Variants in VPS13A observed in about 807,000 individuals in gnomAD.
VPS13A encodes intermembrane lipid transfer protein VPS13A.
In VPS13A, 264 loss-of-function variants were observed where a neutral mutation model predicts 390.9. That is an observed-to-expected ratio of 0.68 (90% CI 0.61 to 0.75). The LOEUF (loss-of-function observed/expected upper bound fraction) is 0.75. VPS13A is among the 30% of genes least tolerant of loss of function. VPS13A has a pLI of 0.00. For synonymous variants in VPS13A, 1,231 were observed against 1,227.1 expected (o/e 1.00, Z -0.07); for missense variants, 3,409 against 3,733.9 (o/e 0.91, Z 2.27).
chr9:77,382,332 A>G, intron 68 of VPS13A: 1 of 1,541,388 alleles, frequency 6.5e-7, no homozygotes, highest in African/African-American at 1.4e-5. Context: ...AGTGAAAGCC[A>G]ACAGTAGATT....
In VPS13A at chr9:77,225,915, A is replaced by T. The variant is rs1280432466; in HGVS notation, c.1162-11A>T. The T allele has an allele frequency of 6.2e-7, 1 of 1,603,838 alleles. No individual in the cohort carries two copies. The highest frequency in any genetic ancestry group is 8.5e-7 in the Non-Finnish European group (1 of 1,171,926). ...TTGTAAAGTTAACACATTTTTGTTT[A>T]TATTTTTCAGGAGTTGGAAAAAACC... On this transcript the variant is annotated splice_polypyrimidine_tract_variant and intron_variant, in intron 13 of 71. Transcript: ENST00000360280.
chr9:77,248,622 C>T (rs1413173812), intron 20 of VPS13A, among the ~76,000 whole-genome samples: 1 of 152,058 alleles, frequency 6.6e-6, no homozygotes, highest in Non-Finnish European at 1.5e-5. Flanking sequence ...ACCCACTTCC[C>T]AGCCACATGG....
chr9:77,209,148 A>C (rs1174265733), intron 5 of VPS13A, among the ~76,000 whole-genome samples: 2 of 152,142 alleles, frequency 1.3e-5, no homozygotes, highest in Non-Finnish European at 2.9e-5. Context: ...TCATTTTTAA[A>C]TATATTTTTG....
chr9:77,409,658 G>A (rs1486697258), intron 71 of VPS13A, among the ~76,000 whole-genome samples: 1 of 151,328 alleles, frequency 6.6e-6, no homozygotes, highest in African/African-American at 2.4e-5. Context: ...GAATGCACAA[G>A]CCTCAGTAAC....
At chr9:77,271,531 A>G (rs941708331) in intron 23 of VPS13A, among the ~76,000 whole-genome samples, 1 of 152,220 alleles carries the variant, frequency 6.6e-6, no homozygotes, top group Non-Finnish European at 1.5e-5. Flanking sequence ...AGGGTTATTC[A>G]TAATAGTAAA....
intron 1 of VPS13A, among the ~76,000 whole-genome samples, chr9:77,195,505 G>A (rs1824941337): frequency 6.6e-6 from 1 of 152,166 alleles, no homozygotes; most frequent in Non-Finnish European, 1.5e-5. Flanking sequence ...GGGAGGCTGA[G>A]GCGGGTGGAT....
At chr9:77,280,560 T>C (rs1405376646) in intron 27 of VPS13A, among the ~76,000 whole-genome samples, 2 of 152,148 alleles carry the variant, frequency 1.3e-5, no homozygotes, top group African/African-American at 2.4e-5. Flanking sequence ...TGATACAAGA[T>C]GATGCTTTCA....
intron 33 of VPS13A, among the ~76,000 whole-genome samples, chr9:77,302,428 A>G (rs1587531830): frequency 7.9e-6 from 1 of 126,300 alleles, no homozygotes; most frequent in East Asian, 2.3e-4. Context: ...GCTGGAGTGC[A>G]GTGGTGCGAT....
At chr9:77,250,050 A>C (rs1482676097) in intron 20 of VPS13A, 47 bp from the exon 21 acceptor site, 11 of 1,602,066 alleles carry the variant, frequency 6.9e-6, no homozygotes, top group Non-Finnish European at 2.6e-6. Flanking sequence ...TTATACTTAC[A>C]TTTTGAAGTA....
chr9:77,371,738 T>C (rs111866336), intron 67 of VPS13A, among the ~76,000 whole-genome samples: 1,650 of 150,626 alleles, frequency 0.011, 17 homozygotes, highest in Non-Finnish European at 0.017. Context: ...ACATGTGCCA[T>C]GCTGGTGCGC....
chr9:77,186,195 A>G (rs906384724), intron 1 of VPS13A, among the ~76,000 whole-genome samples: 6 of 152,206 alleles, frequency 3.9e-5, no homozygotes, highest in African/African-American at 1.4e-4. Context: ...CTATCTTACA[A>G]TACAGTATAC....
intron 71 of VPS13A, among the ~76,000 whole-genome samples, chr9:77,410,660 C>A (rs1469615275): frequency 6.6e-6 from 1 of 152,088 alleles, no homozygotes; most frequent in Non-Finnish European, 1.5e-5. Context: ...TCTGATAAAA[C>A]AGACTTTAAA....
chr9:77,339,403 A>G, intron 47 of VPS13A, 113 bp from the exon 48 acceptor site: 1 of 986,362 alleles, frequency 1.0e-6, no homozygotes, highest in East Asian at 2.6e-5. Context: ...ACTTGTTCTG[A>G]TAGGTATTTC....
intron 45 of VPS13A, among the ~76,000 whole-genome samples, chr9:77,323,810 TTTCA>T (rs1829869775): frequency 6.6e-6 from 1 of 152,208 alleles, no homozygotes; most frequent in African/African-American, 2.4e-5. Flanking sequence ...GGAGTTTGAC[TTTCA>T]TTCAGAAAAA....
intron 68 of VPS13A, among the ~76,000 whole-genome samples, chr9:77,386,533 T>C (rs1159722244): frequency 6.6e-6 from 1 of 152,122 alleles, no homozygotes; most frequent in African/African-American, 2.4e-5. Context: ...AGCAGTGATT[T>C]ACCATTTTCA....
rs926599511 is a variant in VPS13A, at chr9:77,269,661, C to T, written c.2428-3619C>T. Among the ~76,000 whole-genome samples, 3 of 152,250 alleles carry T rather than the reference C, an allele frequency of 2.0e-5. No homozygotes were observed. In the East Asian group the frequency reaches 5.8e-4, roughly 29 times the overall value. On this transcript the variant is annotated intron_variant, in intron 23 of 71. Coordinates refer to ENST00000360280, the MANE Select transcript of VPS13A (RefSeq NM_033305.3). The stretch of plus-strand genomic sequence containing the variant: ...AGTTCATTAACATGGTATATCTCTC[C>T]ATTTGCTTAGGTCTTTTTAAGTTTT...
At chr9:77,313,386 A>G (rs1829206719) in intron 35 of VPS13A, among the ~76,000 whole-genome samples, 1 of 152,188 alleles carries the variant, frequency 6.6e-6, no homozygotes, top group Non-Finnish European at 1.5e-5. Context: ...CATATAAGAT[A>G]CATGTATTTC....
intron 26 of VPS13A, among the ~76,000 whole-genome samples, chr9:77,278,259 G>GT (rs1826810007): frequency 2.0e-5 from 1 of 50,812 alleles, no homozygotes; most frequent in Non-Finnish European, 4.2e-5. Context: ...TTTTTTTTTT[G>GT]TATTTTTAGT....
intron 68 of VPS13A, among the ~76,000 whole-genome samples, chr9:77,399,868 A>G (rs1012483018): frequency 2.0e-5 from 3 of 152,184 alleles, no homozygotes; most frequent in Admixed American, 2.0e-4. Flanking sequence ...ACGTACAAAT[A>G]TATGTACATG....
Sources: allele counts gnomAD v4.1 joint callset (sites outside exome capture counted in the v4.1 genomes callset), GRCh38; gene constraint gnomAD v4.1.1; transcripts MANE v1.5; gene names NCBI Gene and HGNC (gene_info 2026-07-23, HGNC 2026-07-21).